The following UGGT2 variants were observed in gnomAD, a reference collection of about 807,000 sequenced individuals.
The protein encoded by UGGT2 is UDP-glucose:glycoprotein glucosyltransferase 2.
UGGT2 carries 180 observed loss-of-function variants against 192.1 expected under a neutral mutation model. The observed-to-expected ratio is 0.94, with a 90% CI of 0.83 to 1.06. The LOEUF is 1.06. Ranked by LOEUF, UGGT2 falls within the 50% of genes least tolerant of loss-of-function variation. The pLI, the probability that UGGT2 is intolerant of heterozygous loss-of-function variation, is 0.00. For synonymous variants in UGGT2, 580 were observed against 591.0 expected (o/e 0.98, Z 0.27); for missense variants, 1,849 against 1,795.7 (o/e 1.03, Z -0.54).
rs146240894 is a variant in UGGT2, at chr13:96,029,375, C to T, written c.241+2514G>A. Among the ~76,000 whole-genome samples, 1,125 of 150,102 alleles carry T rather than the reference C, an allele frequency of 7.5e-3. 6 individuals are homozygous for T. The highest frequency in any genetic ancestry group is 0.025 in the South Asian group (117 of 4,680). ...GATCTCGGCTCACTGCAGCCTATGC[C>T]TCCAGTGTTCAAGTGAGTCTTGTGC... is the stretch of plus-strand genomic sequence containing the variant. On this transcript the variant is annotated intron_variant, in intron 2 of 38. Transcript: ENST00000376747.
intron 17 of UGGT2, among the ~76,000 whole-genome samples, 174 bp downstream of exon 17, chr13:95,936,750 T>G (rs577007306): frequency 5.9e-5 from 9 of 152,244 alleles, no homozygotes; most frequent in Non-Finnish European, 1.3e-4. Context: ...CCACAGTCTC[T>G]GCACAGGCAG....
chr13:95,912,990 G>A (rs1210509236), intron 20 of UGGT2, among the ~76,000 whole-genome samples: 2 of 152,150 alleles, frequency 1.3e-5, no homozygotes, highest in Non-Finnish European at 2.9e-5. Context: ...AATGGGGAAA[G>A]GATTCCCTAT....
chr13:95,984,747 C>T (rs1156252029), intron 9 of UGGT2, among the ~76,000 whole-genome samples: 5 of 152,074 alleles, frequency 3.3e-5, no homozygotes, highest in Non-Finnish European at 7.4e-5. Flanking sequence ...CTAGCTTTTA[C>T]AAATTTTATA....
intron 29 of UGGT2, among the ~76,000 whole-genome samples, chr13:95,871,183 A>G (rs962260463): frequency 7.9e-5 from 12 of 152,214 alleles, no homozygotes; most frequent in East Asian, 1.9e-4. Context: ...AAAGAACTAA[A>G]CAGAATATTG....
At chr13:95,900,725 C>A in intron 22 of UGGT2, 82 bp downstream of exon 22, 1 of 1,420,940 alleles carries the variant, frequency 7.0e-7, no homozygotes. Context: ...TCAGTCACAT[C>A]AGGGGAATTG....
Position 95,927,120 on chromosome 13 carries a change from G to A in UGGT2, c.2108C>T (p.Ala703Val). The change falls in exon 19 of 39, where the codon GCT becomes GTT. Residue 703 changes from alanine to valine, a missense_variant. Physicochemically the swap from Ala to Val is moderately conservative, Grantham distance 64. Coordinates refer to ENST00000376747, the MANE Select transcript of UGGT2 (RefSeq NM_020121.4). ...YLNLISTSVT[A>V]DVEDFSTFFF... ...GAAAGTAGAGAAATCTTCAACATCAGCAGTTACTGAAAAATTTCAAATTAA... is the reference window on the plus strand; with the variant it reads ...GAAAGTAGAGAAATCTTCAACATCAACAGTTACTGAAAAATTTCAAATTAA... 6.2e-7 allele frequency: 1 copy of A among 1,608,118 alleles called. No individual in the cohort carries two copies. The highest frequency in any genetic ancestry group is 8.5e-7 in the Non-Finnish European group (1 of 1,178,492).
chr13:95,841,144 C>T lies in UGGT2; in HGVS notation c.4285-3942G>A, dbSNP rs1887813364. On this transcript the variant is annotated intron_variant, in intron 36 of 38. Transcript: ENST00000376747. Reference sequence around the variant, plus strand: ...TGACAGGTTGATAGGTGCAGCAAACCACCATGGCACATGTATACCTACGTA... The same window carrying T: ...TGACAGGTTGATAGGTGCAGCAAACTACCATGGCACATGTATACCTACGTA... 3.9e-5 allele frequency among the ~76,000 whole-genome samples: 6 copies of T among 152,128 alleles called. No homozygotes were observed. The South Asian group carries it at 1.0e-3, about 26-fold the overall frequency.
intron 15 of UGGT2, among the ~76,000 whole-genome samples, chr13:95,945,056 T>A (rs1231077953): frequency 6.6e-6 from 1 of 152,018 alleles, no homozygotes; most frequent in African/African-American, 2.4e-5. Flanking sequence ...GATAGTCACC[T>A]TGTGTATAAC....
chr13:95,929,045 CCAGT>C (rs2049148127), intron 17 of UGGT2, among the ~76,000 whole-genome samples: 1 of 152,074 alleles, frequency 6.6e-6, no homozygotes, highest in African/African-American at 2.4e-5. Flanking sequence ...AATACGAAAA[CCAGT>C]CAGGCGTGGC....
At chr13:96,003,083 G>C (rs1455938034) in intron 5 of UGGT2, among the ~76,000 whole-genome samples, 1 of 152,090 alleles carries the variant, frequency 6.6e-6, no homozygotes, top group Non-Finnish European at 1.5e-5. Context: ...CCTAAGCTTT[G>C]GGGGATGAGC....
Position 95,912,197 on chromosome 13 carries a change from C to T in UGGT2, c.2296-9137G>A, listed in dbSNP as rs1229264973. Among the ~76,000 whole-genome samples, 3 of 152,198 alleles carry T rather than the reference C, an allele frequency of 2.0e-5. No individual in the cohort carries two copies. In the East Asian group the frequency reaches 5.8e-4, roughly 29 times the overall value. ...GGCACAAGACAGGGATGCTCTCTCT[C>T]ACCACTCCTATTCAACATAGTGTTG... On this transcript the variant is annotated intron_variant, in intron 20 of 38. Coordinates refer to ENST00000376747, the MANE Select transcript of UGGT2 (RefSeq NM_020121.4).
intron 4 of UGGT2, among the ~76,000 whole-genome samples, chr13:96,014,289 C>G (rs1372343286): frequency 6.6e-6 from 1 of 151,988 alleles, no homozygotes. Flanking sequence ...ATCATTCAGT[C>G]AATTACTACC....
chr13:95,917,637 G>C (rs2048721064), intron 20 of UGGT2, among the ~76,000 whole-genome samples: 1 of 152,118 alleles, frequency 6.6e-6, no homozygotes, highest in Admixed American at 6.5e-5. Flanking sequence ...AAAGAGTGGA[G>C]ACCCATCAAC....
At chr13:95,855,949 A>T (rs1048904123) in intron 34 of UGGT2, among the ~76,000 whole-genome samples, 1 of 152,202 alleles carries the variant, frequency 6.6e-6, no homozygotes, top group African/African-American at 2.4e-5. Context: ...CATGTCCTAA[A>T]TAATAAATGG....
intron 30 of UGGT2, 30 bp from the exon 31 acceptor site, chr13:95,863,744 T>G (rs111579345): frequency 6.4e-7 from 1 of 1,561,458 alleles, no homozygotes; most frequent in Non-Finnish European, 8.8e-7. Context: ...AGATTAGAAT[T>G]TGGCTGCTTT....
rs770458253 is a variant in UGGT2, at chr13:95,900,832, T to C, written c.2609A>G (p.Glu870Gly). The C allele has an allele frequency of 6.2e-7, 1 of 1,610,514 alleles. No individual in the cohort carries two copies. Among genetic ancestry groups the C allele is most frequent in the Non-Finnish European group, 8.5e-7 (1 of 1,178,622 alleles). ...CQDVLKLRPG[E>G]MGIVSNGRFL... ...TCTCCCATTGCTGACAATACCCATT[T>C]CTCCAGGACGTAATTTAAGTACATC... The change falls in exon 22 of 39, where the codon GAA becomes GGA. Residue 870 changes from glutamate to glycine, a missense_variant. By Grantham distance (98) the Glu-to-Gly change is moderately conservative. Transcript: ENST00000376747.
intron 20 of UGGT2, among the ~76,000 whole-genome samples, chr13:95,922,872 G>A (rs557414180): frequency 6.6e-6 from 1 of 152,004 alleles, no homozygotes; most frequent in Non-Finnish European, 1.5e-5. Context: ...TTTAAAAAAA[G>A]AAACTCTCTT....
intron 5 of UGGT2, among the ~76,000 whole-genome samples, chr13:96,005,532 C>G (rs990987128): frequency 4.6e-5 from 7 of 152,128 alleles, no homozygotes; most frequent in Non-Finnish European, 8.8e-5. Context: ...TCTTCAGAGG[C>G]AAGGGCAACA....
chr13:95,823,722 A>G (rs997691178), intron 38 of UGGT2, among the ~76,000 whole-genome samples: 3 of 152,056 alleles, frequency 2.0e-5, no homozygotes, highest in Admixed American at 6.6e-5. Flanking sequence ...CTGCCATTCT[A>G]TATCTTTTAA....
Sources: allele counts gnomAD v4.1 joint callset (sites outside exome capture counted in the v4.1 genomes callset), GRCh38; gene constraint gnomAD v4.1.1; transcripts MANE v1.5; gene names NCBI Gene and HGNC (gene_info 2026-07-23, HGNC 2026-07-21).